MYBPC1: variants seen among roughly 807,000 people sequenced by gnomAD.
MYBPC1 encodes the protein myosin binding protein C1, also known as myosin-binding protein C, slow-type.
MYBPC1 carries 52 observed loss-of-function variants against 147.1 expected under a neutral mutation model. The ratio of observed to expected loss-of-function variants is 0.35; its 90% CI spans 0.28 to 0.45. The LOEUF is 0.45. Among genes scored for constraint, MYBPC1 ranks in the 20% least tolerant of loss-of-function variants. The pLI, the probability that MYBPC1 is intolerant of heterozygous loss-of-function variation, is 1.00. For synonymous variants in MYBPC1, 477 were observed against 475.9 expected (o/e 1.00, Z -0.03); for missense variants, 1,228 against 1,440.3 (o/e 0.85, Z 2.39).
chr12:101,672,118 C>T (rs1185161741), intron 24 of MYBPC1, among the ~76,000 whole-genome samples: 2 of 152,146 alleles, frequency 1.3e-5, no homozygotes, highest in Admixed American at 6.5e-5. Context: ...ACATTTTTCC[C>T]TAGTGGCTAA....
intron 1 of MYBPC1, among the ~76,000 whole-genome samples, chr12:101,611,476 T>C (rs1427282221): frequency 6.6e-6 from 1 of 152,192 alleles, no homozygotes; most frequent in Non-Finnish European, 1.5e-5. Context: ...ACAGTTACCC[T>C]TAAAAAATGG....
chr12:101,668,377 C>T (rs1897884593), intron 23 of MYBPC1, among the ~76,000 whole-genome samples: 1 of 152,080 alleles, frequency 6.6e-6, no homozygotes, highest in African/African-American at 2.4e-5. Flanking sequence ...CAAGTCAGTG[C>T]CACGGAGCCA....
chr12:101,617,126 C>G (rs1886285418), intron 2 of MYBPC1, 76 bp from the exon 3 acceptor site: 11 of 1,387,298 alleles, frequency 7.9e-6, no homozygotes, highest in African/African-American at 2.8e-5. Context: ...TTCCCTCCCC[C>G]TCTCCACCCC....
At chr12:101,694,816 T>C in the MYBPC1 span, among the ~76,000 whole-genome samples, 11 of 152,122 alleles carry the variant, frequency 7.2e-5, no homozygotes, top group Non-Finnish European at 1.6e-4. Flanking sequence ...TAAGTGTACC[T>C]ATAGTTCATT....
intron 26 of MYBPC1, among the ~76,000 whole-genome samples, chr12:101,677,021 A>G (rs1400370304): frequency 6.6e-6 from 1 of 152,256 alleles, no homozygotes; most frequent in Non-Finnish European, 1.5e-5. Context: ...ATTAAATTAC[A>G]TAGTCAATTG....
In MYBPC1 at chr12:101,624,683, A is replaced by ATTTTTT. The variant is rs57175970; in HGVS notation, c.104-2168_104-2163dup. 2.7e-3 allele frequency among the ~76,000 whole-genome samples: 271 copies of ATTTTTT among 99,096 alleles called. 6 individuals carry two copies. The highest frequency in any genetic ancestry group is 5.5e-3 in the Admixed American group (48 of 8,726). 65.0% of individuals were successfully genotyped at this position (99,096 alleles called of 152,430 possible). A position where few individuals can be genotyped will look rare whatever the true frequency, so the allele number is the denominator to read the frequency against. On this transcript the variant is annotated intron_variant, in intron 3 of 31. Coordinates refer to ENST00000361466, the MANE Select transcript of MYBPC1 (RefSeq NM_002465.4). ...AATAATATACAAGCCCGGCTAATTA[A>ATTTTTT]TTTTTTTTTTTTTTTTTTTTTTTTT...
At chr12:101,612,688 G>T (rs1483728510) in intron 1 of MYBPC1, among the ~76,000 whole-genome samples, 1 of 152,218 alleles carries the variant, frequency 6.6e-6, no homozygotes, top group Non-Finnish European at 1.5e-5. Flanking sequence ...AAGTCCTTGG[G>T]CATGGCATGG....
chr12:101,635,880 C>T (rs1890881028), intron 9 of MYBPC1, among the ~76,000 whole-genome samples: 1 of 152,092 alleles, frequency 6.6e-6, no homozygotes, highest in Admixed American at 6.5e-5. Flanking sequence ...CTATGTAGTG[C>T]CATTTAAATG....
chr12:101,669,910 G>A lies in MYBPC1; in HGVS notation c.2525-411G>A, dbSNP rs190112515. On this transcript the variant is annotated intron_variant, in intron 23 of 31. Coordinates refer to ENST00000361466, the MANE Select transcript of MYBPC1 (RefSeq NM_002465.4). ...AATGCCACTGCACTCCAGCCTGGGCGACAGAGAGAGACTCTCTGAAAAAAA... is the reference window on the plus strand; with the variant it reads ...AATGCCACTGCACTCCAGCCTGGGCAACAGAGAGAGACTCTCTGAAAAAAA... 8.8e-3 allele frequency: 2,660 copies of A among 300,964 alleles called. 29 individuals carry two copies. The highest frequency in any genetic ancestry group is 0.01 in the Non-Finnish European group (1,676 of 167,102). The allele number at this position is 300,964 out of a possible 1,614,324, so 18.6% of individuals were successfully genotyped here.
At chr12:101,621,069 A>G (rs1461320927) in intron 3 of MYBPC1, among the ~76,000 whole-genome samples, 1 of 152,230 alleles carries the variant, frequency 6.6e-6, no homozygotes, top group Non-Finnish European at 1.5e-5. Flanking sequence ...AATTTAAAAA[A>G]ATGATTTTTA....
At chr12:101,637,057 G>GTCAAA in intron 10 of MYBPC1, 2 of 59,804 alleles carry the variant, frequency 3.3e-5, no homozygotes, top group Non-Finnish European at 2.8e-5. Context: ...TGATTTGGTA[G>GTCAAA]AAGTCTGAAG....
At chr12:101,598,492 G>A (rs1451199277) in intron 1 of MYBPC1, among the ~76,000 whole-genome samples, 4 of 152,108 alleles carry the variant, frequency 2.6e-5, no homozygotes, top group Non-Finnish European at 4.4e-5. Context: ...TTTTACCTCT[G>A]GAATATGTAA....
At chr12:101,631,785 AT>A in intron 7 of MYBPC1, 66 bp downstream of exon 7, 1 of 1,606,398 alleles carries the variant, frequency 6.2e-7, no homozygotes, top group East Asian at 2.2e-5. Flanking sequence ...ATAAATGATT[AT>A]TTTCAGGTTC....
intron 24 of MYBPC1, among the ~76,000 whole-genome samples, chr12:101,671,314 C>T (rs1027569139): frequency 3.5e-3 from 270 of 76,368 alleles, no homozygotes; most frequent in African/African-American, 0.011. Flanking sequence ...CTCATATACA[C>T]ACACACACAC....
intron 19 of MYBPC1, chr12:101,660,114 AG>A: frequency 2.4e-6 from 1 of 413,014 alleles, no homozygotes; most frequent in Non-Finnish European, 4.4e-6. Context: ...ATCATTACAG[AG>A]GGATTAGATC....
In MYBPC1 at chr12:101,629,106, T is replaced by C. The variant is rs2293465; in HGVS notation, c.179-328T>C. 0.039 allele frequency: 14,272 copies of C among 370,408 alleles called. 1,011 individuals carry two copies. Among genetic ancestry groups the C allele is most frequent in the East Asian group, 0.28 (4,170 of 14,814 alleles). 22.9% of individuals were successfully genotyped at this position (370,408 alleles called of 1,614,324 possible). Reference sequence around the variant, plus strand: ...TACTGCTTGAATACACTGGCCACCATTGTTTACCTGTTAGGGGACAGGCAA... The same window carrying C: ...TACTGCTTGAATACACTGGCCACCACTGTTTACCTGTTAGGGGACAGGCAA... On this transcript the variant is annotated intron_variant, in intron 5 of 31. Coordinates refer to ENST00000361466, the MANE Select transcript of MYBPC1 (RefSeq NM_002465.4).
intron 1 of MYBPC1, among the ~76,000 whole-genome samples, chr12:101,611,803 G>A (rs1884373901): frequency 6.6e-6 from 1 of 152,196 alleles, no homozygotes; most frequent in African/African-American, 2.4e-5. Context: ...CTCTGGCCGG[G>A]CACAGTGGCT....
intron 4 of MYBPC1, among the ~76,000 whole-genome samples, chr12:101,627,320 G>A (rs1368967166): frequency 4.6e-5 from 7 of 152,074 alleles, no homozygotes; most frequent in Non-Finnish European, 1.5e-5. Flanking sequence ...TCGGCTCACT[G>A]CAACCTGTGC....
At chr12:101,685,035 C>T (rs780733288) in intron 31 of MYBPC1, among the ~76,000 whole-genome samples, 3 of 151,988 alleles carry the variant, frequency 2.0e-5, no homozygotes, top group Non-Finnish European at 4.4e-5. Context: ...AGTATTGGAC[C>T]GGTCTTATTA....
Sources: gnomAD v4.1 joint callset for allele counts (sites outside exome capture counted in the v4.1 genomes callset) on GRCh38, gnomAD v4.1.1 for gene constraint, MANE v1.5 for transcripts, NCBI Gene and HGNC (gene_info 2026-07-23, HGNC 2026-07-21) for gene names.